OLFM3: variants seen among roughly 807,000 people sequenced by gnomAD.
The protein encoded by OLFM3 is noelin-3.
OLFM3 carries 20 observed loss-of-function variants against 48.6 expected under a neutral mutation model. The ratio of observed to expected loss-of-function variants is 0.41; its 90% CI spans 0.29 to 0.60. The LOEUF (loss-of-function observed/expected upper bound fraction) is 0.60. OLFM3 is among the 20% of genes least tolerant of loss of function. The probability of loss-of-function intolerance (pLI) is 0.28; values close to 1 mark genes in which losing one functional copy is unlikely to be tolerated. For synonymous variants in OLFM3, 222 were observed against 198.1 expected (o/e 1.12, Z -1.01); for missense variants, 437 against 544.3 (o/e 0.80, Z 1.96).
At chr1:101,810,491 T>C (rs979851298) in intron 4 of OLFM3, among the ~76,000 whole-genome samples, 1 of 152,000 alleles carries the variant, frequency 6.6e-6, no homozygotes, top group African/African-American at 2.4e-5. Context: ...CATACAATAT[T>C]TAGGTTATAA....
At chr1:101,882,014 A>G (rs1657546967) in intron 1 of OLFM3, among the ~76,000 whole-genome samples, 1 of 151,584 alleles carries the variant, frequency 6.6e-6, no homozygotes, top group African/African-American at 2.4e-5. Context: ...GGATGCTTAT[A>G]ATCAAAACTT....
At chr1:101,949,046 A>G (rs908085937) in intron 1 of OLFM3, among the ~76,000 whole-genome samples, 6 of 151,828 alleles carry the variant, frequency 4.0e-5, no homozygotes, top group Non-Finnish European at 8.8e-5. Context: ...AGTTCTTCCT[A>G]TGTATTTGGA....
intron 1 of OLFM3, among the ~76,000 whole-genome samples, chr1:101,955,590 C>T (rs907405045): frequency 1.4e-4 from 21 of 151,884 alleles, no homozygotes; most frequent in African/African-American, 5.1e-4. Context: ...ATTCTCACTT[C>T]TGTCTATTTT....
At chr1:101,846,822 C>T (rs1350261273) in intron 1 of OLFM3, 9 of 1,581,954 alleles carry the variant, frequency 5.7e-6, no homozygotes, top group South Asian at 1.1e-5. Flanking sequence ...CTCAAGATGG[C>T]CAAACCCACC....
At chr1:101,940,840 T>C (rs1212336014) in intron 1 of OLFM3, among the ~76,000 whole-genome samples, 1 of 151,938 alleles carries the variant, frequency 6.6e-6, no homozygotes, top group East Asian at 1.9e-4. Flanking sequence ...TTTATGTCTA[T>C]ACCTAATTTA....
At chr1:101,976,621 T>A (rs1193884638) in intron 1 of OLFM3, among the ~76,000 whole-genome samples, 1 of 152,178 alleles carries the variant, frequency 6.6e-6, no homozygotes, top group African/African-American at 2.4e-5. Context: ...CTTCATCTTT[T>A]CCCTAAATTT....
intron 1 of OLFM3, among the ~76,000 whole-genome samples, chr1:101,972,958 A>G (rs1425688502): frequency 1.3e-5 from 2 of 152,184 alleles, no homozygotes; most frequent in South Asian, 2.1e-4. Context: ...AATAAAATGG[A>G]TTGAATTTCT....
At chr1:101,979,468 C>A (rs1661046078) in intron 1 of OLFM3, among the ~76,000 whole-genome samples, 1 of 152,182 alleles carries the variant, frequency 6.6e-6, no homozygotes, top group African/African-American at 2.4e-5. Flanking sequence ...CTCATGAGAT[C>A]TGATGGTTTT....
At chr1:101,888,449 G>T (rs968015995) in intron 1 of OLFM3, among the ~76,000 whole-genome samples, 1 of 152,154 alleles carries the variant, frequency 6.6e-6, no homozygotes, top group African/African-American at 2.4e-5. Flanking sequence ...CTAGGCATAT[G>T]TAGAAAGCTG....
intron 1 of OLFM3, among the ~76,000 whole-genome samples, chr1:101,981,728 A>C (rs1661110967): frequency 6.6e-6 from 1 of 152,204 alleles, no homozygotes; most frequent in South Asian, 2.1e-4. Flanking sequence ...TAAGAAACAT[A>C]TTCCCTTCCA....
intron 1 of OLFM3, among the ~76,000 whole-genome samples, chr1:101,883,926 A>C (rs1279830130): frequency 6.6e-6 from 1 of 151,842 alleles, no homozygotes; most frequent in Non-Finnish European, 1.5e-5. Context: ...GGAAATAAAA[A>C]ACTTACTATC....
In OLFM3 at chr1:101,802,989, T is replaced by A. The variant is rs1344222046; in HGVS notation, c.*1249A>T. On this transcript the variant is annotated 3_prime_UTR_variant, in exon 6 of 6. Transcript: ENST00000370103. ...CTTTTGGTTACATTATTTTTCCACA[T>A]ACAGTGAATCAAGGTAACAAGGGGT... The A allele has an allele frequency of 1.3e-5, 2 of 151,784 alleles. No homozygotes were observed. Among genetic ancestry groups the A allele is most frequent in the Non-Finnish European group, 3.0e-5 (2 of 67,694 alleles). 9.4% of individuals were successfully genotyped at this position (151,784 alleles called of 1,614,324 possible).
intron 1 of OLFM3, among the ~76,000 whole-genome samples, chr1:101,917,511 G>A (rs767799289): frequency 7.9e-5 from 12 of 152,078 alleles, no homozygotes; most frequent in Non-Finnish European, 1.5e-4. Flanking sequence ...CTGCCTCTCA[G>A]GTTCAAGTCA....
intron 1 of OLFM3, among the ~76,000 whole-genome samples, chr1:101,920,783 T>C (rs1368495778): frequency 6.6e-6 from 1 of 152,194 alleles, no homozygotes; most frequent in Non-Finnish European, 1.5e-5. Context: ...TAGAGACCCA[T>C]TCCCACTGCT....
chr1:101,945,557 T>C (rs1178424307), intron 1 of OLFM3, among the ~76,000 whole-genome samples: 3 of 149,984 alleles, frequency 2.0e-5, no homozygotes, highest in Admixed American at 6.8e-5. Context: ...TGGTGATAGA[T>C]TTTTTTTTTA....
At position 101,815,801 on chromosome 1, in the gene OLFM3, A is replaced by C. The variant is rs540550238; in HGVS notation, c.592+9225T>G. 5.9e-4 allele frequency among the ~76,000 whole-genome samples: 90 copies of C among 152,318 alleles called. 3 individuals carry two copies. In the East Asian group the frequency reaches 0.017, roughly 29 times the overall value. On this transcript the variant is annotated intron_variant, in intron 4 of 5. Transcript: ENST00000370103. ...ATCAGTAGAAACAGCATATAAATCT[A>C]GGGAACAGATACTCCTTTGAGTTTT...
At position 101,860,292 on chromosome 1, in the gene OLFM3, T is replaced by G. The variant is rs546723248; in HGVS notation, c.70-23267A>C. ...GTAAAGAAAAGCTGTATTTAAAAATTTATCTTGAACTAAAAAAATAAAAAT... is the reference window on the plus strand; with the variant it reads ...GTAAAGAAAAGCTGTATTTAAAAATGTATCTTGAACTAAAAAAATAAAAAT... On this transcript the variant is annotated intron_variant, in intron 1 of 5. Coordinates refer to ENST00000370103, the MANE Select transcript of OLFM3 (RefSeq NM_058170.4). Among the ~76,000 whole-genome samples, 3 of 152,178 alleles carry G rather than the reference T, an allele frequency of 2.0e-5. No homozygotes were observed. The South Asian group carries it at 6.2e-4, about 32-fold the overall frequency.
At chr1:101,933,148 GCTGAGATCACGCCACTGCACTC>G (rs1659504803) in intron 1 of OLFM3, among the ~76,000 whole-genome samples, 1 of 138,142 alleles carries the variant, frequency 7.2e-6, no homozygotes, top group Admixed American at 7.9e-5. Context: ...CTTGCAGTGA[GCTGAGATCACGCCACTGCACTC>G]CAGCCTGGGT....
chr1:101,818,190 A>G (rs1020136790), intron 4 of OLFM3, among the ~76,000 whole-genome samples: 2 of 152,152 alleles, frequency 1.3e-5, no homozygotes, highest in Non-Finnish European at 2.9e-5. Context: ...AAACTGAATG[A>G]CAACTTGTGT....
Sources: gnomAD v4.1 joint callset for allele counts (sites outside exome capture counted in the v4.1 genomes callset) on GRCh38, gnomAD v4.1.1 for gene constraint, MANE v1.5 for transcripts, NCBI Gene and HGNC (gene_info 2026-07-23, HGNC 2026-07-21) for gene names.